PRICKLE2: variants seen among roughly 807,000 people sequenced by gnomAD.
PRICKLE2 encodes prickle planar cell polarity protein 2, also known as prickle-like protein 2.
PRICKLE2 carries 21 observed loss-of-function variants against 81.4 expected under a neutral mutation model. The ratio of observed to expected loss-of-function variants is 0.26; its 90% CI spans 0.18 to 0.37. The LOEUF is 0.37. PRICKLE2 is among the 10% of genes least tolerant of loss of function. PRICKLE2 has a pLI of 1.00. For synonymous variants in PRICKLE2, 456 were observed against 421.5 expected, an observed-to-expected ratio of 1.08 and a Z score of -1.00; for missense variants, 940 against 1,109.0, an observed-to-expected ratio of 0.85 and a Z score of 2.16.
chr3:64,265,916 A>G (rs2079699203), intron 2 of PRICKLE2, among the ~76,000 whole-genome samples: 1 of 152,172 alleles, frequency 6.6e-6, no homozygotes, highest in Non-Finnish European at 1.5e-5. Context: ...CTGTCTCAAA[A>G]ATAAGTTCCA....
chr3:64,158,213 G>T lies in PRICKLE2; in HGVS notation c.397-848C>A, dbSNP rs559823379. Among the ~76,000 whole-genome samples the T allele has an allele frequency of 3.9e-5, 6 of 152,348 alleles. No homozygotes were observed. In the South Asian group the frequency reaches 1.2e-3, roughly 32 times the overall value. ...AGTATAGTTCTAGGGTCATACAAGA[G>T]TGGCTGAGCTCAGGGGACAATGTCT... On this transcript the variant is annotated intron_variant, in intron 4 of 7. Coordinates refer to ENST00000638394, the MANE Select transcript of PRICKLE2 (RefSeq NM_198859.4).
chr3:64,180,094 A>G (rs17665101), intron 2 of PRICKLE2, among the ~76,000 whole-genome samples: 29,342 of 152,158 alleles, frequency 0.19, 3,031 homozygotes, highest in Non-Finnish European at 0.22. Context: ...AATCAACTGC[A>G]TTATTGAGTA....
At chr3:64,113,141 G>A (rs1288624475) in intron 7 of PRICKLE2, among the ~76,000 whole-genome samples, 1 of 152,216 alleles carries the variant, frequency 6.6e-6, no homozygotes, top group Non-Finnish European at 1.5e-5. Context: ...CACTTGAGGT[G>A]GCAGGGAGGG....
chr3:64,164,086 T>C (rs1479829640), intron 2 of PRICKLE2, among the ~76,000 whole-genome samples: 2 of 152,102 alleles, frequency 1.3e-5, no homozygotes, highest in Non-Finnish European at 2.9e-5. Context: ...AAAGTCATCA[T>C]ATTTGGCCAG....
chr3:64,222,231 C>T (rs933622290), intron 1 of PRICKLE2, among the ~76,000 whole-genome samples: 12 of 152,280 alleles, frequency 7.9e-5, no homozygotes, highest in Admixed American at 7.2e-4. Flanking sequence ...TGAGATCATA[C>T]CTCCCATCAG....
intron 2 of PRICKLE2, among the ~76,000 whole-genome samples, chr3:64,231,392 G>A (rs902016154): frequency 7.2e-5 from 11 of 152,128 alleles, no homozygotes; most frequent in African/African-American, 2.4e-4. Flanking sequence ...AAAGAAAGCT[G>A]CACTTATAAT....
chr3:64,266,358 T>C (rs2079708706), intron 2 of PRICKLE2, among the ~76,000 whole-genome samples: 1 of 152,230 alleles, frequency 6.6e-6, no homozygotes, highest in African/African-American at 2.4e-5. Context: ...CAAGGAGGGC[T>C]TGTCCTGATT....
At chr3:64,124,819 A>T (rs1156763925) in intron 7 of PRICKLE2, among the ~76,000 whole-genome samples, 3 of 152,216 alleles carry the variant, frequency 2.0e-5, no homozygotes, top group Non-Finnish European at 4.4e-5. Flanking sequence ...TATGACGGAG[A>T]TGTACAAGAA....
chr3:64,168,451 C>T (rs1439367157), intron 2 of PRICKLE2, among the ~76,000 whole-genome samples: 1 of 152,170 alleles, frequency 6.6e-6, no homozygotes, highest in Non-Finnish European at 1.5e-5. Context: ...TCAAAGCCAT[C>T]CTGGGCTGCA....
intron 7 of PRICKLE2, among the ~76,000 whole-genome samples, chr3:64,106,336 TC>T (rs1212588685): frequency 6.6e-6 from 1 of 152,228 alleles, no homozygotes; most frequent in Non-Finnish European, 1.5e-5. Flanking sequence ...TGCCTGTTTT[TC>T]TAAATAAAGT....
chr3:64,193,668 T>C (rs964257953), intron 2 of PRICKLE2, among the ~76,000 whole-genome samples: 1 of 152,186 alleles, frequency 6.6e-6, no homozygotes, highest in African/African-American at 2.4e-5. Context: ...TCATCCTGCA[T>C]TCCCATGTGT....
intron 2 of PRICKLE2, among the ~76,000 whole-genome samples, chr3:64,263,725 G>C (rs2079650479): frequency 6.6e-6 from 1 of 152,168 alleles, no homozygotes; most frequent in Non-Finnish European, 1.5e-5. Context: ...AAGGGCCCTT[G>C]ATGGAAACAT....
At chr3:64,230,120 G>C (rs2079081276), upstream of PRICKLE2, among the ~76,000 whole-genome samples, 1 of 152,146 alleles carries the variant, frequency 6.6e-6, no homozygotes, top group Admixed American at 6.6e-5. Context: ...GCCTGGAGAT[G>C]AATGATATCA....
rs2076533571 is a variant in PRICKLE2, at chr3:64,093,794, T to C, written c.*5257A>G. ...CCATACCTGTGTCCTTTCTTTTCTTTGTTGAAATGCTCAAAGGCAGAGACC... is the reference window on the plus strand; with the variant it reads ...CCATACCTGTGTCCTTTCTTTTCTTCGTTGAAATGCTCAAAGGCAGAGACC... On this transcript the variant is annotated 3_prime_UTR_variant, in exon 8 of 8. Transcript: ENST00000638394. The C allele has an allele frequency of 6.6e-6, 1 of 152,218 alleles. No individual in the cohort carries two copies. The highest frequency in any genetic ancestry group is 1.5e-5 in the Non-Finnish European group (1 of 68,036). 9.4% of individuals were successfully genotyped at this position (152,218 alleles called of 1,614,324 possible).
chr3:64,180,043 T>C (rs2078100412), intron 2 of PRICKLE2, among the ~76,000 whole-genome samples: 1 of 152,250 alleles, frequency 6.6e-6, no homozygotes, highest in Non-Finnish European at 1.5e-5. Flanking sequence ...TGCTTAATCA[T>C]GAAAGCCACA....
chr3:64,115,986 A>G (rs953079008), intron 7 of PRICKLE2, among the ~76,000 whole-genome samples: 16 of 152,308 alleles, frequency 1.1e-4, no homozygotes, highest in African/African-American at 3.8e-4. Flanking sequence ...CTGAAATCAT[A>G]ACAAACAATC....
chr3:64,181,369 A>T (rs2078130558), intron 2 of PRICKLE2, among the ~76,000 whole-genome samples: 3 of 152,142 alleles, frequency 2.0e-5, no homozygotes, highest in Admixed American at 2.0e-4. Flanking sequence ...GACAGTCCCA[A>T]CATCCAGACT....
chr3:64,141,929 G>A (rs994833743), intron 7 of PRICKLE2: 6 of 984,556 alleles, frequency 6.1e-6, no homozygotes, highest in East Asian at 1.1e-4. Context: ...TTTGTGGCAC[G>A]TACCTGGTAT....
chr3:64,253,375 G>A (rs1460892372), intron 2 of PRICKLE2, among the ~76,000 whole-genome samples: 2 of 152,034 alleles, frequency 1.3e-5, no homozygotes, highest in Non-Finnish European at 2.9e-5. Context: ...ACTAAATTAT[G>A]GGACCATCAC....
Sources: allele counts gnomAD v4.1 joint callset (sites outside exome capture counted in the v4.1 genomes callset), GRCh38; gene constraint gnomAD v4.1.1; transcripts MANE v1.5; gene names NCBI Gene and HGNC (gene_info 2026-07-23, HGNC 2026-07-21).